The following MDGA2 variants were observed in gnomAD, a reference collection of about 807,000 sequenced individuals.
MDGA2 encodes the protein MAM domain-containing glycosylphosphatidylinositol anchor protein 2.
In MDGA2, 40 loss-of-function variants were observed where a neutral mutation model predicts 117.8. The ratio of observed to expected loss-of-function variants is 0.34; its 90% CI spans 0.26 to 0.44. The LOEUF (loss-of-function observed/expected upper bound fraction) is 0.44, where lower values mean the gene tolerates loss of function less well. Among genes scored for constraint, MDGA2 ranks in the 20% least tolerant of loss-of-function variants. MDGA2 has a pLI of 1.00. For synonymous variants in MDGA2, 452 were observed against 439.0 expected (o/e 1.03, Z -0.37); for missense variants, 1,123 against 1,250.6 (o/e 0.90, Z 1.54).
chr14:47,493,071 C>T (rs1384296720), intron 1 of MDGA2, among the ~76,000 whole-genome samples: 1 of 151,570 alleles, frequency 6.6e-6, no homozygotes, highest in African/African-American at 2.4e-5. Flanking sequence ...CAAAATAATA[C>T]AGTGCATAGG....
intron 1 of MDGA2, among the ~76,000 whole-genome samples, chr14:47,403,086 G>A (rs2900004): frequency 0.26 from 39,899 of 151,876 alleles, 5,570 homozygotes; most frequent in Middle Eastern, 0.41. Flanking sequence ...TCTCTCTAGC[G>A]TCCATGCTGA....
At chr14:47,256,694 G>A (rs1298866260) in intron 2 of MDGA2, among the ~76,000 whole-genome samples, 7 of 152,030 alleles carry the variant, frequency 4.6e-5, no homozygotes, top group Admixed American at 3.3e-4. Context: ...ATTATAGTTT[G>A]ATTGAGTTGG....
At chr14:47,236,863 T>A (rs73249932) in intron 2 of MDGA2, among the ~76,000 whole-genome samples, 6,334 of 152,270 alleles carry the variant, frequency 0.042, 138 homozygotes, top group Middle Eastern at 0.065. Context: ...TCCATGAAAA[T>A]GCACTCTAAC....
intron 2 of MDGA2, among the ~76,000 whole-genome samples, chr14:47,293,881 G>GT (rs1203831786): frequency 6.6e-6 from 1 of 152,062 alleles, no homozygotes; most frequent in Non-Finnish European, 1.5e-5. Context: ...GTATGTTAAA[G>GT]TGTTGACCCC....
chr14:47,483,752 C>G (rs971938049), intron 1 of MDGA2, among the ~76,000 whole-genome samples: 1 of 152,178 alleles, frequency 6.6e-6, no homozygotes, highest in African/African-American at 2.4e-5. Flanking sequence ...CTCACACTGG[C>G]AAATCTCAGC....
intron 3 of MDGA2, among the ~76,000 whole-genome samples, chr14:47,199,034 T>C (rs1240753553): frequency 6.6e-6 from 1 of 152,088 alleles, no homozygotes; most frequent in Non-Finnish European, 1.5e-5. Context: ...TGCCTAAGTT[T>C]CCATCCTGCT....
At chr14:47,298,490 A>G (rs1266107023) in intron 2 of MDGA2, among the ~76,000 whole-genome samples, 1 of 152,104 alleles carries the variant, frequency 6.6e-6, no homozygotes, top group Non-Finnish European at 1.5e-5. Context: ...TGCATTTCCA[A>G]CTATTATTAT....
intron 1 of MDGA2, among the ~76,000 whole-genome samples, chr14:47,390,394 A>T (rs1429725442): frequency 1.3e-5 from 2 of 152,142 alleles, no homozygotes; most frequent in Admixed American, 1.3e-4. Context: ...GAAGAGTAGG[A>T]GCCTAACTTT....
rs150303185 is a variant in MDGA2, at chr14:47,609,668, T to C, written c.280+64849A>G. The stretch of plus-strand genomic sequence containing the variant: ...AGCTCTTTAAGGAATCTCCACACTG[T>C]TTTCCATAGTGGCTGTAGTAGTTTC... On this transcript the variant is annotated intron_variant, in intron 1 of 16. Coordinates refer to ENST00000399232, the MANE Select transcript of MDGA2 (RefSeq NM_001113498.3). 2.5e-3 allele frequency among the ~76,000 whole-genome samples: 380 copies of C among 151,298 alleles called. 3 individuals carry two copies. Among genetic ancestry groups the C allele is most frequent in the African/African-American group, 8.9e-3 (369 of 41,310 alleles).
chr14:46,987,160 T>G (rs1320424552), intron 8 of MDGA2, among the ~76,000 whole-genome samples: 2 of 152,096 alleles, frequency 1.3e-5, no homozygotes, highest in Non-Finnish European at 2.9e-5. Context: ...ACAGAAAACT[T>G]ATTTTCAAAT....
chr14:47,357,057 G>C (rs1310947571), intron 1 of MDGA2, among the ~76,000 whole-genome samples: 1 of 152,170 alleles, frequency 6.6e-6, no homozygotes, highest in African/African-American at 2.4e-5. Flanking sequence ...TCAGTGTTAT[G>C]AGACTACTTC....
intron 7 of MDGA2, among the ~76,000 whole-genome samples, chr14:47,035,520 AAAAT>A (rs1349105089): frequency 6.6e-6 from 1 of 152,238 alleles, no homozygotes; most frequent in African/African-American, 2.4e-5. Context: ...AAACATTAGC[AAAAT>A]AAATAAGGCA....
rs1292285880 is a variant in MDGA2, at chr14:47,268,075, C to CT, written c.420+33335dup. On this transcript the variant is annotated intron_variant, in intron 2 of 16. Transcript: ENST00000399232. ...TCAAAACATCTTATTTCCTTTTCTTCTTTTTTTTTTTTTTGAGACAGAGTT... is the reference window on the plus strand; with the variant it reads ...TCAAAACATCTTATTTCCTTTTCTTCTTTTTTTTTTTTTTTGAGACAGAGTT... 7.0e-3 allele frequency among the ~76,000 whole-genome samples: 1,005 copies of CT among 143,200 alleles called. 10 individuals carry two copies. The highest frequency in any genetic ancestry group is 0.02 in the African/African-American group (785 of 39,380). 93.9% of individuals were successfully genotyped at this position (143,200 alleles called of 152,430 possible).
At chr14:47,339,979 T>C (rs973900331) in intron 1 of MDGA2, among the ~76,000 whole-genome samples, 3 of 152,126 alleles carry the variant, frequency 2.0e-5, no homozygotes, top group Non-Finnish European at 4.4e-5. Flanking sequence ...ACTTACATAG[T>C]CCTAAAAAAT....
Position 47,404,377 on chromosome 14 carries a change from G to A in MDGA2, c.281-102827C>T, listed in dbSNP as rs747821414. ...ATTTTTGTATTTTTAGTAGAGATGG[G>A]GTTTCACCATGTTGGCCAGGCTGGT... On this transcript the variant is annotated intron_variant, in intron 1 of 16. Transcript: ENST00000399232. 2.6e-5 allele frequency among the ~76,000 whole-genome samples: 4 copies of A among 151,828 alleles called. 1 individual carries two copies. The highest frequency in any genetic ancestry group is 7.3e-5 in the African/African-American group (3 of 41,316).
At chr14:46,896,357 G>A (rs1169430283) in intron 10 of MDGA2, among the ~76,000 whole-genome samples, 1 of 152,090 alleles carries the variant, frequency 6.6e-6, no homozygotes, top group Non-Finnish European at 1.5e-5. Flanking sequence ...TTACACAAAT[G>A]TATAAATAGA....
chr14:47,283,683 A>T (rs567026616), intron 2 of MDGA2, among the ~76,000 whole-genome samples: 4 of 152,200 alleles, frequency 2.6e-5, no homozygotes, highest in Non-Finnish European at 4.4e-5. Flanking sequence ...CATTTTCAGG[A>T]GACTATACTT....
At chr14:47,097,982 C>T (rs1268111729) in intron 5 of MDGA2, among the ~76,000 whole-genome samples, 1 of 151,924 alleles carries the variant, frequency 6.6e-6, no homozygotes, top group Non-Finnish European at 1.5e-5. Context: ...ACATATAGCA[C>T]ATTTTTTTTC....
chr14:47,091,486 G>A (rs960457444), intron 6 of MDGA2, among the ~76,000 whole-genome samples: 1 of 152,090 alleles, frequency 6.6e-6, no homozygotes, highest in African/African-American at 2.4e-5. Context: ...CAGAGAAGGT[G>A]TTTACTAGAG....
Sources: allele counts gnomAD v4.1 joint callset (sites outside exome capture counted in the v4.1 genomes callset), GRCh38; gene constraint gnomAD v4.1.1; transcripts MANE v1.5; gene names NCBI Gene and HGNC (gene_info 2026-07-23, HGNC 2026-07-21).